PLOD1: variants seen among roughly 807,000 people sequenced by gnomAD.
The protein encoded by PLOD1 is procollagen-lysine,2-oxoglutarate 5-dioxygenase 1.
A neutral mutation model predicts 94.7 loss-of-function variants in PLOD1; 70 were observed. The ratio of observed to expected loss-of-function variants is 0.74; its 90% CI spans 0.61 to 0.90. PLOD1 has a LOEUF of 0.90. Ranked by LOEUF, PLOD1 falls within the 40% of genes least tolerant of loss-of-function variation. PLOD1 has a pLI of 0.00. For missense variants in PLOD1, 905 were observed against 972.7 expected (o/e 0.93, Z 0.93); for synonymous variants, 417 against 400.2 (o/e 1.04, Z -0.50).
rs915522645 is a variant in PLOD1 at position 11,972,547 on chromosome 1, C to T, written c.1903-325C>T. Reference sequence around the variant, plus strand: ...GAATTACAGGCGTGAGTACCATGTCCGGCCTCCTTCCCTTTCATTTCTTCT... The same window carrying T: ...GAATTACAGGCGTGAGTACCATGTCTGGCCTCCTTCCCTTTCATTTCTTCT... On this transcript the variant is annotated intron_variant, in intron 17 of 18. Transcript: ENST00000196061. This position sits in a 1 kb window ranked among gnomAD's most constrained non-coding sequence, Gnocchi z 4.6. The T allele has an allele frequency of 2.9e-5, 10 of 342,592 alleles. No individual in the cohort carries two copies. Among genetic ancestry groups the T allele is most frequent in the African/African-American group, 2.1e-4 (10 of 47,220 alleles). The allele number at this position is 342,592 out of a possible 1,614,324, so 21.2% of individuals were successfully genotyped here. A position where few individuals can be genotyped will look rare whatever the true frequency, so the allele number is the denominator to read the frequency against.
Position 11,957,870 on chromosome 1 carries a change from T to G in PLOD1, c.770T>G (p.Ile257Ser), listed in dbSNP as rs1208321379. The G allele has an allele frequency of 6.2e-7, 1 of 1,614,092 alleles. No homozygotes were observed. Among genetic ancestry groups the G allele is most frequent in the East Asian group, 2.2e-5 (1 of 44,874 alleles). Residue 257 changes from isoleucine to serine, a missense_variant, in exon 8 of 19, where the codon ATC (isoleucine) becomes AGC (serine). By Grantham distance (142) the Ile-to-Ser change is moderately radical. Transcript: ENST00000196061. The surrounding 1 kb of genome is among the most constrained non-coding windows in gnomAD (Gnocchi z 4.1). ...CAGTTGAACTACCTGGGCAACTACATCCCGCGCTTCTGGACCTTCGAAACA... is the reference window on the plus strand; with the variant it reads ...CAGTTGAACTACCTGGGCAACTACAGCCCGCGCTTCTGGACCTTCGAAACA... ...KLQLNYLGNYIPRFWTFETGC... is the reference protein window; with the variant it reads ...KLQLNYLGNYSPRFWTFETGC...
rs766424893 is a variant in PLOD1, at chr1:11,952,699, G to A, written c.543G>A (p.Leu181=). The A allele has an allele frequency of 2.5e-6, 4 of 1,613,942 alleles. No homozygotes were observed. The South Asian group carries it at 4.4e-5, about 18-fold the overall frequency. Residue 181 remains leucine, a synonymous_variant, in exon 5 of 19, where the codon CTG becomes CTA. Transcript: ENST00000196061. ...GCCAGGACAGCGACAGCGATCAGCTGTTTTACACCAAGATCTTCTTGGACC... is the reference window on the plus strand; with the variant it reads ...GCCAGGACAGCGACAGCGATCAGCTATTTTACACCAAGATCTTCTTGGACC... ...WEGQDSDSDQ[L]FYTKIFLDPE...
At position 11,958,738 on chromosome 1, in the gene PLOD1, G is replaced by A. The variant is rs552981938; in HGVS notation, c.975+91G>A. 2.0e-5 allele frequency: 29 copies of A among 1,465,500 alleles called. No individual in the cohort carries two copies. In the African/African-American group the frequency reaches 2.4e-4, roughly 12 times the overall value. 90.8% of individuals were successfully genotyped at this position (1,465,500 alleles called of 1,614,324 possible). A position where few individuals can be genotyped will look rare whatever the true frequency, so the allele number is the denominator to read the frequency against. On this transcript the variant is annotated intron_variant, in intron 9 of 18. Transcript: ENST00000196061. The surrounding 1 kb of genome is among the most constrained non-coding windows in gnomAD (Gnocchi z 4.3). ...GCCCGAGACCTCTGAGGGTCTCACC[G>A]AATCTAGCTTATCTGGGCCAAATGA...
At chr1:11,959,034 G>T (rs1032166273) in intron 9 of PLOD1, among the ~76,000 whole-genome samples, 9 of 151,994 alleles carry the variant, frequency 5.9e-5, no homozygotes, top group Admixed American at 5.9e-4. Context: ...GTGAAACCCT[G>T]CCTCTACTAA....
chr1:11,955,152 G>A (rs527751372), intron 6 of PLOD1, among the ~76,000 whole-genome samples: 1 of 152,358 alleles, frequency 6.6e-6, no homozygotes, highest in East Asian at 1.9e-4. Context: ...TGGACCCCCT[G>A]CCCTGCATAC....
Position 11,957,701 on chromosome 1 carries a change from G to A in PLOD1, c.742-141G>A, listed in dbSNP as rs1645748568. ...AGCGGCTTGGTGATCTCCTGGGGAT[G>A]GAGCATTATCTCCAAGACCCTCTTA... On this transcript the variant is annotated intron_variant, in intron 7 of 18. Coordinates refer to ENST00000196061, the MANE Select transcript of PLOD1 (RefSeq NM_000302.4). This position sits in a 1 kb window ranked among gnomAD's most constrained non-coding sequence, Gnocchi z 4.1. The A allele has an allele frequency of 2.6e-6, 2 of 764,774 alleles. No homozygotes were observed. The highest frequency in any genetic ancestry group is 1.8e-5 in the Admixed American group (1 of 56,522). The allele number at this position is 764,774 out of a possible 1,614,324, so 47.4% of individuals were successfully genotyped here.
intron 9 of PLOD1, 66 bp from the exon 10 acceptor site, chr1:11,960,580 A>T (rs1645770734): frequency 2.6e-6 from 3 of 1,144,748 alleles, no homozygotes; most frequent in South Asian, 2.5e-5. Flanking sequence ...GAGGTGCTAC[A>T]GTCCCTGGGT....
At chr1:11,961,227 TA>T (rs56091992) in intron 10 of PLOD1, among the ~76,000 whole-genome samples, 82,612 of 151,066 alleles carry the variant, frequency 0.55, 23,540 homozygotes, top group East Asian at 0.7. Context: ...CTTCAAAAAT[TA>T]AAAAAAAATA....
intron 1 of PLOD1, among the ~76,000 whole-genome samples, chr1:11,942,978 G>GT (rs370127678): frequency 6.7e-6 from 1 of 150,076 alleles, no homozygotes; most frequent in Non-Finnish European, 1.5e-5. Context: ...TTGTTTGTTT[G>GT]GTTTTTTGTT....
At chr1:11,949,980 C>G in intron 3 of PLOD1, 74 bp downstream of exon 3, 1 of 1,498,304 alleles carries the variant, frequency 6.7e-7, no homozygotes. Context: ...GAGGCCCTCC[C>G]AGAACATCGG....
Position 11,972,980 on chromosome 1 carries a change from G to A in PLOD1, c.2011G>A (p.Val671Ile). The change falls in exon 18 of 19, where the codon GTC (valine) becomes ATC (isoleucine). Residue 671 changes from valine (V) to isoleucine (I), a missense_variant. Physicochemically the swap from Val to Ile is conservative, Grantham distance 29. Coordinates refer to ENST00000196061, the MANE Select transcript of PLOD1 (RefSeq NM_000302.4). The surrounding 1 kb of genome is among the most constrained non-coding windows in gnomAD (Gnocchi z 4.6). ...TFTINIALNR[V>I]GVDYEGGGCR... Reference sequence around the variant, plus strand: ...CACCATCAACATCGCCCTGAACCGAGTCGGGGTGGATTACGAGGTGAGCAG... The same window carrying A: ...CACCATCAACATCGCCCTGAACCGAATCGGGGTGGATTACGAGGTGAGCAG... The A allele has an allele frequency of 6.2e-7, 1 of 1,614,042 alleles. No individual in the cohort carries two copies. Among genetic ancestry groups the A allele is most frequent in the East Asian group, 2.2e-5 (1 of 44,886 alleles).
chr1:11,958,440 T>C lies in PLOD1; in HGVS notation c.844-76T>C. 6.5e-7 allele frequency: 1 copy of C among 1,548,658 alleles called. No individual in the cohort carries two copies. The highest frequency in any genetic ancestry group is 8.8e-7 in the Non-Finnish European group (1 of 1,131,630). On this transcript the variant is annotated intron_variant, in intron 8 of 18. Transcript: ENST00000196061. This position sits in a 1 kb window ranked among gnomAD's most constrained non-coding sequence, Gnocchi z 4.3. ...GCTTCTGATTCTGGCTCTGACTCCC[T>C]TGGGCCACCCTGGGGTGGAGTGGCA...
At chr1:11,943,581 G>A (rs1440027133) in intron 1 of PLOD1, among the ~76,000 whole-genome samples, 1 of 152,172 alleles carries the variant, frequency 6.6e-6, no homozygotes. Context: ...ACAGGCGTGA[G>A]TCACCACGCC....
Position 11,963,479 on chromosome 1 carries a change from C to A in PLOD1, c.1098-53C>A. 1 of 1,193,562 alleles carries A rather than the reference C, an allele frequency of 8.4e-7. No homozygotes were observed. Among genetic ancestry groups the A allele is most frequent in the Non-Finnish European group, 1.2e-6 (1 of 817,990 alleles). 73.9% of individuals were successfully genotyped at this position (1,193,562 alleles called of 1,614,324 possible). On this transcript the variant is annotated intron_variant, in intron 10 of 18. Coordinates refer to ENST00000196061, the MANE Select transcript of PLOD1 (RefSeq NM_000302.4). The surrounding 1 kb of genome is among the most constrained non-coding windows in gnomAD (Gnocchi z 4.3). Reference sequence around the variant, plus strand: ...AGACTGTGGTCACAGATGTGAGCAGCCACCAGTAGCTCCAGGATCAGGTGC... The same window carrying A: ...AGACTGTGGTCACAGATGTGAGCAGACACCAGTAGCTCCAGGATCAGGTGC...
intron 1 of PLOD1, among the ~76,000 whole-genome samples, chr1:11,942,720 G>C (rs1326165786): frequency 6.6e-6 from 1 of 152,160 alleles, no homozygotes; most frequent in East Asian, 1.9e-4. Flanking sequence ...GCGGACCAAG[G>C]GGATGGATTG....
At position 11,964,315 on chromosome 1, in the gene PLOD1, G is replaced by C; in HGVS notation, c.1328+15G>C. 1 of 1,586,642 alleles carries C rather than the reference G, an allele frequency of 6.3e-7. No homozygotes were observed. The highest frequency in any genetic ancestry group is 8.6e-7 in the Non-Finnish European group (1 of 1,157,796). ...GGGCGGCGTGTGTGAGTACCTGCAG[G>C]GTGGGGGTGGGTGGGGGACACCTTC... On this transcript the variant is annotated intron_variant, in intron 12 of 18. Coordinates refer to ENST00000196061, the MANE Select transcript of PLOD1 (RefSeq NM_000302.4).
rs781455578 is a variant in PLOD1, at chr1:11,950,407, G to T, written c.353G>T (p.Arg118Leu). Residue 118 changes from arginine to leucine, a missense_variant, in exon 4 of 19, where the codon CGG (arginine) becomes CTG (leucine). Arg to Leu is a moderately radical substitution (Grantham distance 102). Transcript: ENST00000196061. ...SGPRELLKKF[R>L]QARSQVVFSA... ...CCCCGGGAGCTCCTGAAGAAGTTCCGGCAGGCCAGGAGCCAGGTGGTCTTC... is the reference window on the plus strand; with the variant it reads ...CCCCGGGAGCTCCTGAAGAAGTTCCTGCAGGCCAGGAGCCAGGTGGTCTTC... The T allele has an allele frequency of 6.2e-7, 1 of 1,614,102 alleles. No homozygotes were observed. The highest frequency in any genetic ancestry group is 1.1e-5 in the South Asian group (1 of 91,086).
chr1:11,971,225 G>C (rs866578633), intron 17 of PLOD1, among the ~76,000 whole-genome samples: 4 of 126,772 alleles, frequency 3.2e-5, no homozygotes, highest in Admixed American at 8.2e-5. Context: ...AGGGTGGAGT[G>C]GGGGGCTTGG....
rs1205944258 is a variant in PLOD1 at position 11,957,974 on chromosome 1, G to T, written c.843+31G>T. On this transcript the variant is annotated intron_variant, in intron 8 of 18. Transcript: ENST00000196061. This position sits in a 1 kb window ranked among gnomAD's most constrained non-coding sequence, Gnocchi z 4.1. Reference sequence around the variant, plus strand: ...GCTGCGCCCAGGCCTGTGCCTGAGGGACACGGGGGGCTCAGTCCCCTGAGA... The same window carrying T: ...GCTGCGCCCAGGCCTGTGCCTGAGGTACACGGGGGGCTCAGTCCCCTGAGA... The T allele has an allele frequency of 7.3e-7, 1 of 1,374,324 alleles. No individual in the cohort carries two copies. Among genetic ancestry groups the T allele is most frequent in the East Asian group, 2.3e-5 (1 of 43,818 alleles). The allele number at this position is 1,374,324 out of a possible 1,614,324, so 85.1% of individuals were successfully genotyped here.
Sources: gnomAD v4.1 joint callset for allele counts (sites outside exome capture counted in the v4.1 genomes callset) on GRCh38, gnomAD v4.1.1 for gene constraint, Gnocchi (gnomAD v3.1) non-coding constraint, MANE v1.5 for transcripts, NCBI Gene and HGNC (gene_info 2026-07-23, HGNC 2026-07-21) for gene names.